RGS3: variants seen among roughly 807,000 people sequenced by gnomAD.
The protein encoded by RGS3 is regulator of G-protein signalling 3.
RGS3 carries 80 observed loss-of-function variants against 132.6 expected under a neutral mutation model. That is an observed-to-expected ratio of 0.60 (90% CI 0.50 to 0.73). RGS3 has a LOEUF of 0.73. Among genes scored for constraint, RGS3 ranks in the 30% least tolerant of loss-of-function variants. The pLI, the probability that RGS3 is intolerant of heterozygous loss-of-function variation, is 0.00. For synonymous variants in RGS3, 598 were observed against 620.6 expected (o/e 0.96, Z 0.54); for missense variants, 1,382 against 1,530.8 (o/e 0.90, Z 1.62).
exon 25 of RGS3, chr9:113,596,968 G>A (rs759677117): frequency 3.2e-6 from 5 of 1,584,106 alleles, no homozygotes; most frequent in Non-Finnish European, 4.3e-6. Context: ...CACTGGAGTC[G>A]AGCTCAGCGT....
At chr9:113,518,424 A>G (rs1016153504) in intron 16 of RGS3, among the ~76,000 whole-genome samples, 5 of 152,038 alleles carry the variant, frequency 3.3e-5, no homozygotes, top group African/African-American at 1.2e-4. Flanking sequence ...CTCACATGTG[A>G]TTTCTTCCTT....
In RGS3 at chr9:113,594,413, T is replaced by A; in HGVS notation, c.3081-17T>A. 6.2e-7 allele frequency: 1 copy of A among 1,612,890 alleles called. No homozygotes were observed. Among genetic ancestry groups the A allele is most frequent in the South Asian group, 1.1e-5 (1 of 90,958 alleles). The stretch of plus-strand genomic sequence containing the variant: ...TGGGCCAGGCTGAGCAACCCTCTTT[T>A]CTGCTTCTGTCCCCAGAGCCAAGGA... On this transcript the variant is annotated splice_polypyrimidine_tract_variant and intron_variant, in intron 21 of 24. Coordinates refer to ENST00000350696, the Ensembl canonical transcript of RGS3.
intron 18 of RGS3, among the ~76,000 whole-genome samples, chr9:113,535,453 A>T (rs1273294773): frequency 6.6e-6 from 1 of 152,242 alleles, no homozygotes; most frequent in Non-Finnish European, 1.5e-5. Context: ...TTATAGGCAT[A>T]AGCCACTGCG....
At chr9:113,539,669 GA>G (rs1415754151) in intron 19 of RGS3, among the ~76,000 whole-genome samples, 1 of 152,178 alleles carries the variant, frequency 6.6e-6, no homozygotes, top group Admixed American at 6.5e-5. Flanking sequence ...GCCTCTCTGG[GA>G]AAAGGGGGTT....
chr9:113,513,277 C>G (rs981407595), intron 14 of RGS3, among the ~76,000 whole-genome samples: 1 of 150,690 alleles, frequency 6.6e-6, no homozygotes, highest in Admixed American at 6.6e-5. Flanking sequence ...CATCAGTGTC[C>G]CCTTAAAGAG....
intron 19 of RGS3, among the ~76,000 whole-genome samples, chr9:113,558,184 T>A (rs1454801262): frequency 1.3e-5 from 2 of 151,340 alleles, no homozygotes; most frequent in East Asian, 1.9e-4. Flanking sequence ...GCACGGGGAG[T>A]GTTTGGGAGA....
At chr9:113,561,527 T>G (rs112844883) in intron 19 of RGS3, among the ~76,000 whole-genome samples, 19 of 150,030 alleles carry the variant, frequency 1.3e-4, no homozygotes, top group African/African-American at 4.7e-4. Flanking sequence ...ATCCTCCCAC[T>G]TCAGCCTCTT....
intron 21 of RGS3, chr9:113,594,170 C>G (rs1202960049): frequency 6.2e-7 from 1 of 1,613,086 alleles, no homozygotes; most frequent in African/African-American, 1.3e-5. Context: ...GTGGCTGCAG[C>G]CTGCACCGTT....
At chr9:113,531,718 A>G (rs1231027248) in intron 18 of RGS3, among the ~76,000 whole-genome samples, 1 of 152,234 alleles carries the variant, frequency 6.6e-6, no homozygotes, top group Non-Finnish European at 1.5e-5. Flanking sequence ...GAGGAGGCAG[A>G]AGACAAACAG....
chr9:113,507,191 C>A lies in RGS3; in HGVS notation c.1086-96C>A. ...GCTTCCCCTCTGGTGTCTGCCTCCT[C>A]TTCCCCCATTATCCTCTCTGCCCTG... On this transcript the variant is annotated intron_variant, in intron 12 of 24. Transcript: ENST00000350696. The surrounding 1 kb of genome is among the most constrained non-coding windows in gnomAD (Gnocchi z 5.0). 1.0e-6 allele frequency: 1 copy of A among 992,690 alleles called. No homozygotes were observed. Among genetic ancestry groups the A allele is most frequent in the Non-Finnish European group, 1.5e-6 (1 of 673,486 alleles). The allele number at this position is 992,690 out of a possible 1,614,324, so 61.5% of individuals were successfully genotyped here.
chr9:113,524,361 C>T (rs1281650398), intron 17 of RGS3, among the ~76,000 whole-genome samples: 3 of 152,186 alleles, frequency 2.0e-5, no homozygotes. Context: ...GACCCCATCA[C>T]ATTTGAGGGA....
intron 4 of RGS3, 89 bp from the exon 3 acceptor site, chr9:113,482,970 G>T: frequency 6.2e-7 from 1 of 1,605,956 alleles, no homozygotes; most frequent in Non-Finnish European, 8.5e-7. Flanking sequence ...TATTCGTGTG[G>T]ATGGATATGT....
intron 6 of RGS3, among the ~76,000 whole-genome samples, chr9:113,484,439 C>G (rs557754346): frequency 3.3e-5 from 5 of 151,916 alleles, no homozygotes; most frequent in Admixed American, 1.3e-4. Context: ...GGCCCAGCAG[C>G]GAGGTCCACA....
intron 1 of RGS3, among the ~76,000 whole-genome samples, chr9:113,452,673 C>T (rs1787794798): frequency 6.6e-6 from 1 of 151,250 alleles, no homozygotes; most frequent in African/African-American, 2.4e-5. Context: ...TAATATGTGT[C>T]TATTAGGCTG....
intron 22 of RGS3, 46 bp downstream of exon 20, chr9:113,594,577 C>A: frequency 6.7e-7 from 1 of 1,489,372 alleles, no homozygotes; most frequent in Non-Finnish European, 9.3e-7. Context: ...AACTCACTGG[C>A]TCCCCGGGGA....
At chr9:113,487,100 CTTTTTTTTTTT>C (rs60523804) in intron 7 of RGS3, among the ~76,000 whole-genome samples, 1 of 116,968 alleles carries the variant, frequency 8.5e-6, no homozygotes, top group Non-Finnish European at 1.8e-5. Context: ...TCATTTAATT[CTTTTTTTTTTT>C]TTTTTTTTTT....
At chr9:113,527,740 T>G (rs1484547520) in intron 17 of RGS3, among the ~76,000 whole-genome samples, 1 of 152,214 alleles carries the variant, frequency 6.6e-6, no homozygotes, top group Non-Finnish European at 1.5e-5. Flanking sequence ...CATTCACTGC[T>G]TTTCTTAGGA....
chr9:113,535,188 C>T (rs1832628556), intron 18 of RGS3, among the ~76,000 whole-genome samples: 2 of 151,292 alleles, frequency 1.3e-5, no homozygotes, highest in South Asian at 2.1e-4. Context: ...CTTGCTTTGT[C>T]ACCCAGGCTG....
At chr9:113,588,022 T>C (rs1588296491) in intron 20 of RGS3, among the ~76,000 whole-genome samples, 2 of 152,326 alleles carry the variant, frequency 1.3e-5, no homozygotes, top group African/African-American at 2.4e-5. Context: ...GATGCTGCCA[T>C]TGAATTCTAG....
Sources: gnomAD v4.1 joint callset for allele counts (sites outside exome capture counted in the v4.1 genomes callset) on GRCh38, gnomAD v4.1.1 for gene constraint, Gnocchi (gnomAD v3.1) non-coding constraint, MANE v1.5 for transcripts, NCBI Gene and HGNC (gene_info 2026-07-23, HGNC 2026-07-21) for gene names.